The following ELOVL7 variants were observed in gnomAD, a reference collection of about 807,000 sequenced individuals.
ELOVL7 encodes the protein very long chain fatty acid elongase 7.
A neutral mutation model predicts 35.7 loss-of-function variants in ELOVL7; 27 were observed. That is an observed-to-expected ratio of 0.76 (90% CI 0.56 to 1.04). ELOVL7 has a LOEUF of 1.04. Among genes scored for constraint, ELOVL7 ranks in the 50% least tolerant of loss-of-function variants. The pLI, the probability that ELOVL7 is intolerant of heterozygous loss-of-function variation, is 0.00. For missense variants in ELOVL7, 327 were observed against 340.8 expected (o/e 0.96, Z 0.32); for synonymous variants, 113 against 114.6 (o/e 0.99, Z 0.09).
chr5:60,757,723 G>A (rs1741631342), intron 7 of ELOVL7, 78 bp from the exon 8 acceptor site: 4 of 1,297,806 alleles, frequency 3.1e-6, no homozygotes, highest in East Asian at 5.1e-5. Flanking sequence ...TGAGATTTTT[G>A]TATAATTATT....
At chr5:60,755,873 G>T (rs1297710130) in intron 8 of ELOVL7, among the ~76,000 whole-genome samples, 1 of 152,178 alleles carries the variant, frequency 6.6e-6, no homozygotes, top group Admixed American at 6.5e-5. Flanking sequence ...TCTTAGAAAA[G>T]TAAAACTCTA....
At position 60,757,494 on chromosome 5, in the gene ELOVL7, CAATT is replaced by C; in HGVS notation, c.636+11_636+14del. The C allele has an allele frequency of 6.2e-7, 1 of 1,611,744 alleles. No individual in the cohort carries two copies. The highest frequency in any genetic ancestry group is 1.3e-5 in the African/African-American group (1 of 74,996). The stretch of plus-strand genomic sequence containing the variant: ...GCTGCTTCATATATGGTTTTAAAGA[CAATT>C]AATTACTCACAAGCTGTAATGATGT... On this transcript the variant is annotated intron_variant, in intron 8 of 8. Transcript: ENST00000508821.
At chr5:60,773,626 A>G (rs1372126711) in intron 3 of ELOVL7, among the ~76,000 whole-genome samples, 1 of 152,236 alleles carries the variant, frequency 6.6e-6, no homozygotes, top group Non-Finnish European at 1.5e-5. Context: ...ACATTTAAGA[A>G]TTTAATATAT....
At chr5:60,764,360 C>A in intron 6 of ELOVL7, 28 bp from the exon 7 acceptor site, 1 of 1,517,992 alleles carries the variant, frequency 6.6e-7, no homozygotes, top group South Asian at 1.1e-5. Context: ...ATATCAAGTT[C>A]ACAGAAAATC....
intron 1 of ELOVL7, among the ~76,000 whole-genome samples, chr5:60,817,960 G>A (rs959910737): frequency 4.0e-5 from 6 of 151,260 alleles, no homozygotes; most frequent in Non-Finnish European, 8.8e-5. Context: ...CCACCAATAT[G>A]AGACTTGTTT....
intron 3 of ELOVL7, among the ~76,000 whole-genome samples, chr5:60,774,926 C>T (rs777728960): frequency 2.6e-5 from 4 of 152,008 alleles, no homozygotes; most frequent in Non-Finnish European, 5.9e-5. Flanking sequence ...CCACCATGCC[C>T]AGCTAATTTT....
chr5:60,809,759 T>C (rs929309005), intron 1 of ELOVL7, among the ~76,000 whole-genome samples: 3 of 151,984 alleles, frequency 2.0e-5, no homozygotes, highest in Admixed American at 6.6e-5. Context: ...AGTAGGAAAA[T>C]AGAGAAACCA....
intron 1 of ELOVL7, among the ~76,000 whole-genome samples, chr5:60,828,108 C>A (rs1746279924): frequency 6.6e-6 from 1 of 152,088 alleles, no homozygotes; most frequent in South Asian, 2.1e-4. Context: ...TTTTCAGAAC[C>A]CTCTAGCAAT....
At chr5:60,819,750 C>T (rs1745778464) in intron 1 of ELOVL7, among the ~76,000 whole-genome samples, 1 of 152,140 alleles carries the variant, frequency 6.6e-6, no homozygotes, top group Admixed American at 6.6e-5. Context: ...CGAGCCACCG[C>T]ACTCCAGCTT....
Position 60,754,563 on chromosome 5 carries a change from A to C in ELOVL7, c.*61T>G. ...TATACAAAATGCACTGCATAGGTAA[A>C]TATCTCTTGATTGTCAAGGAAGACA... On this transcript the variant is annotated 3_prime_UTR_variant, in exon 9 of 9. Transcript: ENST00000508821. 2 of 1,458,762 alleles carry C rather than the reference A, an allele frequency of 1.4e-6. No homozygotes were observed. The highest frequency in any genetic ancestry group is 1.2e-5 in the South Asian group (1 of 86,426). 90.4% of individuals were successfully genotyped at this position (1,458,762 alleles called of 1,614,324 possible).
intron 6 of ELOVL7, among the ~76,000 whole-genome samples, chr5:60,765,494 G>A (rs1319329675): frequency 3.3e-5 from 5 of 152,104 alleles, no homozygotes; most frequent in African/African-American, 1.2e-4. Context: ...TTTCCCTAAT[G>A]CAATTAATTC....
intron 7 of ELOVL7, among the ~76,000 whole-genome samples, chr5:60,760,248 C>A (rs1305153674): frequency 6.6e-6 from 1 of 152,194 alleles, no homozygotes; most frequent in Non-Finnish European, 1.5e-5. Flanking sequence ...AGTTTACAGT[C>A]CCACCAACAG....
At chr5:60,833,930 C>T in intron 1 of ELOVL7, among the ~76,000 whole-genome samples, 1 of 152,122 alleles carries the variant, frequency 6.6e-6, no homozygotes. Context: ...CATCAACCTA[C>T]TAATACTTCA....
intron 1 of ELOVL7, among the ~76,000 whole-genome samples, chr5:60,839,909 G>A (rs1219766140): frequency 6.6e-6 from 1 of 152,090 alleles, no homozygotes; most frequent in Non-Finnish European, 1.5e-5. Context: ...TCTGAAGTGG[G>A]AGGATTGCTT....
chr5:60,820,011 G>C (rs993920985), intron 1 of ELOVL7, among the ~76,000 whole-genome samples: 4 of 152,320 alleles, frequency 2.6e-5, no homozygotes, highest in Non-Finnish European at 5.9e-5. Flanking sequence ...GTAGAGAACT[G>C]TCTCTGGCTG....
chr5:60,830,811 G>C (rs1432360586), intron 1 of ELOVL7, among the ~76,000 whole-genome samples: 2 of 152,062 alleles, frequency 1.3e-5, no homozygotes, highest in Non-Finnish European at 2.9e-5. Flanking sequence ...ACTCTCATCA[G>C]AGGCTTTTAA....
At chr5:60,796,119 T>C (rs1183198374) in intron 2 of ELOVL7, among the ~76,000 whole-genome samples, 1 of 152,212 alleles carries the variant, frequency 6.6e-6, no homozygotes, top group Non-Finnish European at 1.5e-5. Context: ...AACTTCTTAG[T>C]AAGAATTCAA....
intron 7 of ELOVL7, among the ~76,000 whole-genome samples, chr5:60,763,175 A>C (rs545993273): frequency 1.3e-5 from 2 of 152,202 alleles, no homozygotes; most frequent in African/African-American, 4.8e-5. Context: ...AATTCTGAGT[A>C]AGGAGGTACT....
intron 1 of ELOVL7, among the ~76,000 whole-genome samples, chr5:60,800,261 G>A (rs1248133111): frequency 6.6e-6 from 1 of 152,074 alleles, no homozygotes; most frequent in Non-Finnish European, 1.5e-5. Context: ...AAATTCAGTA[G>A]CACATAAAAA....
Sources: allele counts gnomAD v4.1 joint callset (sites outside exome capture counted in the v4.1 genomes callset), GRCh38; gene constraint gnomAD v4.1.1; transcripts MANE v1.5; gene names NCBI Gene and HGNC (gene_info 2026-07-23, HGNC 2026-07-21).